FSTL4: variants seen among roughly 807,000 people sequenced by gnomAD.
The protein encoded by FSTL4 is follistatin like 4, also known as follistatin-related protein 4.
FSTL4 carries 28 observed loss-of-function variants against 78.2 expected under a neutral mutation model. The ratio of observed to expected loss-of-function variants is 0.36; its 90% CI spans 0.27 to 0.49. The LOEUF is 0.49. FSTL4 is among the 20% of genes least tolerant of loss of function. FSTL4 has a pLI of 0.98. For synonymous variants in FSTL4, 422 were observed against 440.5 expected, an observed-to-expected ratio of 0.96 and a Z score of 0.53; for missense variants, 922 against 1,084.9, an observed-to-expected ratio of 0.85 and a Z score of 2.11.
At chr5:133,655,498 A>T in the FSTL4 span, among the ~76,000 whole-genome samples, 1 of 152,212 alleles carries the variant, frequency 6.6e-6, no homozygotes, top group South Asian at 2.1e-4. Flanking sequence ...GAAGCTTTTA[A>T]GAATGGTGTT....
At chr5:133,391,227 T>C (rs1755840783) in intron 4 of FSTL4, among the ~76,000 whole-genome samples, 1 of 152,202 alleles carries the variant, frequency 6.6e-6, no homozygotes, top group South Asian at 2.1e-4. Context: ...TAGCGGCTGC[T>C]ACACGGGGGC....
At chr5:133,533,439 T>A (rs1580771713) in intron 3 of FSTL4, among the ~76,000 whole-genome samples, 1 of 151,974 alleles carries the variant, frequency 6.6e-6, no homozygotes, top group Non-Finnish European at 1.5e-5. Flanking sequence ...AGAGGCAGGG[T>A]TTTGCCATGT....
the FSTL4 span, among the ~76,000 whole-genome samples, chr5:133,820,172 C>A: frequency 6.6e-6 from 1 of 152,212 alleles, no homozygotes; most frequent in Non-Finnish European, 1.5e-5. Flanking sequence ...CCTCCTCCCC[C>A]AGAAGTCCTT....
At chr5:133,437,276 C>G (rs1757052346) in intron 3 of FSTL4, among the ~76,000 whole-genome samples, 1 of 152,154 alleles carries the variant, frequency 6.6e-6, no homozygotes, top group South Asian at 2.1e-4. Flanking sequence ...GCCTGGAAAT[C>G]AGAGCAGAGG....
chr5:133,277,138 C>G (rs549206884), intron 6 of FSTL4, among the ~76,000 whole-genome samples: 2 of 152,184 alleles, frequency 1.3e-5, no homozygotes, highest in South Asian at 4.2e-4. Flanking sequence ...ATGGTGAAAC[C>G]CTGTCTCTAC....
intron 6 of FSTL4, among the ~76,000 whole-genome samples, chr5:133,288,013 T>C (rs527436033): frequency 1.3e-5 from 2 of 152,342 alleles, no homozygotes; most frequent in South Asian, 2.1e-4. Context: ...AGCTGTGCTA[T>C]TGCCCAACCT....
intron 3 of FSTL4, among the ~76,000 whole-genome samples, chr5:133,443,122 A>G (rs550813431): frequency 6.6e-6 from 1 of 152,348 alleles, no homozygotes; most frequent in East Asian, 1.9e-4. Flanking sequence ...TGTCTTCTGC[A>G]CGACACCTTG....
the FSTL4 span, among the ~76,000 whole-genome samples, chr5:133,734,157 C>T: frequency 6.6e-6 from 1 of 152,186 alleles, no homozygotes; most frequent in African/African-American, 2.4e-5. Context: ...AGTCTCCATC[C>T]TCTGAAGGAA....
chr5:133,231,637 G>A (rs925764389), intron 8 of FSTL4, among the ~76,000 whole-genome samples: 2 of 152,134 alleles, frequency 1.3e-5, no homozygotes, highest in East Asian at 1.9e-4. Flanking sequence ...TCACCTCTCC[G>A]GTTCAAGCAA....
chr5:133,496,100 C>T (rs1331507372), intron 3 of FSTL4, among the ~76,000 whole-genome samples: 1 of 152,164 alleles, frequency 6.6e-6, no homozygotes, highest in African/African-American at 2.4e-5. Context: ...ACCTGAGATT[C>T]CATCCTCCGA....
In FSTL4 at chr5:133,522,123, T is replaced by A. The variant is rs74916453; in HGVS notation, c.160+45063A>T. On this transcript the variant is annotated intron_variant, in intron 3 of 15. Coordinates refer to ENST00000265342, the MANE Select transcript of FSTL4 (RefSeq NM_015082.2). ...GAAAATTATCTATGAGGAGCAAGAA[T>A]TCTACCAGGTGGGAGAGGCTTGAGT... 5.0e-3 allele frequency among the ~76,000 whole-genome samples: 757 copies of A among 152,276 alleles called. 6 individuals are homozygous for A. Among genetic ancestry groups the A allele is most frequent in the African/African-American group, 0.017 (693 of 41,558 alleles).
At chr5:133,560,481 T>C (rs1470740818) in intron 3 of FSTL4, among the ~76,000 whole-genome samples, 1 of 152,016 alleles carries the variant, frequency 6.6e-6, no homozygotes, top group Non-Finnish European at 1.5e-5. Context: ...GTGATTCTCC[T>C]GCCTCCTGAG....
At chr5:133,427,051 G>GC (rs1030746963) in intron 3 of FSTL4, among the ~76,000 whole-genome samples, 1 of 151,910 alleles carries the variant, frequency 6.6e-6, no homozygotes, top group Non-Finnish European at 1.5e-5. Context: ...AGCTCACACT[G>GC]CCCCCCAAGA....
At chr5:133,561,519 G>A (rs906311061) in intron 3 of FSTL4, among the ~76,000 whole-genome samples, 4 of 152,146 alleles carry the variant, frequency 2.6e-5, no homozygotes, top group African/African-American at 9.7e-5. Context: ...GAGCAGGCAG[G>A]ACTCTGAGCT....
chr5:133,427,670 A>G (rs112928293), intron 3 of FSTL4: 9 of 530,282 alleles, frequency 1.7e-5, no homozygotes, highest in African/African-American at 5.8e-5. Flanking sequence ...GTTCTGAGGC[A>G]GGGTCTAGGA....
intron 3 of FSTL4, among the ~76,000 whole-genome samples, chr5:133,451,568 G>T (rs953392954): frequency 1.3e-5 from 2 of 151,402 alleles, no homozygotes; most frequent in Non-Finnish European, 2.9e-5. Context: ...TCTCAAAAAA[G>T]AAAAAAAAGA....
chr5:133,792,040 G>T, the FSTL4 span, among the ~76,000 whole-genome samples: 1 of 152,234 alleles, frequency 6.6e-6, no homozygotes, highest in African/African-American at 2.4e-5. Flanking sequence ...GTTTTGGAGA[G>T]TCAGCTAATT....
chr5:133,738,400 C>A, the FSTL4 span, among the ~76,000 whole-genome samples: 1 of 151,760 alleles, frequency 6.6e-6, no homozygotes, highest in Non-Finnish European at 1.5e-5. Flanking sequence ...GTGGTCTGAG[C>A]CTTTTCCCTC....
chr5:133,550,900 G>A (rs1256591220), intron 3 of FSTL4, among the ~76,000 whole-genome samples: 2 of 152,164 alleles, frequency 1.3e-5, no homozygotes, highest in Non-Finnish European at 2.9e-5. Context: ...TTCACTGTAT[G>A]AGCGATGATT....
Sources: allele counts gnomAD v4.1 joint callset (sites outside exome capture counted in the v4.1 genomes callset), GRCh38; gene constraint gnomAD v4.1.1; transcripts MANE v1.5; gene names NCBI Gene and HGNC (gene_info 2026-07-23, HGNC 2026-07-21).